Variants in PTPRD observed in about 807,000 individuals in gnomAD.
The protein encoded by PTPRD is protein tyrosine phosphatase receptor type D.
Under a neutral mutation model 214.5 loss-of-function variants are expected in PTPRD, and 34 were observed. That is an observed-to-expected ratio of 0.16 (90% CI 0.12 to 0.21). PTPRD has a LOEUF of 0.21. Among genes scored for constraint, PTPRD ranks in the 10% least tolerant of loss-of-function variants. PTPRD has a pLI of 1.00. For missense variants in PTPRD, 2,545 were observed against 2,398.7 expected (o/e 1.06, Z -1.27); for synonymous variants, 1,128 against 845.7 (o/e 1.33, Z -5.79).
chr9:10,030,569 T>C (rs1175052444), intron 4 of PTPRD, among the ~76,000 whole-genome samples: 1 of 152,002 alleles, frequency 6.6e-6, no homozygotes, highest in East Asian at 1.9e-4. Context: ...ACTAGACTAA[T>C]GTTAACTCCT....
chr9:10,208,311 G>C (rs935847162), intron 3 of PTPRD, among the ~76,000 whole-genome samples: 8 of 152,164 alleles, frequency 5.3e-5, no homozygotes, highest in Non-Finnish European at 1.2e-4. Flanking sequence ...TCAGGAGATC[G>C]ACGCCATCCT....
At chr9:10,561,249 C>G (rs2208710) in intron 2 of PTPRD, among the ~76,000 whole-genome samples, 15,653 of 152,028 alleles carry the variant, frequency 0.1, 1,125 homozygotes, top group East Asian at 0.4. Flanking sequence ...GGAATAGTAG[C>G]ACTTATCTGT....
intron 4 of PTPRD, among the ~76,000 whole-genome samples, chr9:9,964,563 A>G (rs2094562013): frequency 6.6e-6 from 1 of 152,202 alleles, no homozygotes; most frequent in African/African-American, 2.4e-5. Context: ...AATCCTCTTG[A>G]CGTGGGTTAG....
At chr9:9,601,327 A>G (rs1209308796) in intron 7 of PTPRD, among the ~76,000 whole-genome samples, 2 of 152,100 alleles carry the variant, frequency 1.3e-5, no homozygotes, top group Non-Finnish European at 2.9e-5. Context: ...TGACACTGAT[A>G]GTTGCTAATT....
At chr9:10,504,045 GGCAGA>G (rs2044915747) in intron 2 of PTPRD, among the ~76,000 whole-genome samples, 1 of 141,560 alleles carries the variant, frequency 7.1e-6, no homozygotes, top group Non-Finnish European at 1.5e-5. Context: ...GAACCCGGGA[GGCAGA>G]GCTTGCAGTG....
intron 5 of PTPRD, among the ~76,000 whole-genome samples, chr9:9,893,882 A>G (rs746617398): frequency 5.9e-5 from 9 of 151,942 alleles, no homozygotes; most frequent in Non-Finnish European, 1.0e-4. Context: ...ATGCAGTGAC[A>G]TGATCATAGC....
At chr9:10,401,189 G>C (rs1413444584) in intron 2 of PTPRD, among the ~76,000 whole-genome samples, 1 of 151,518 alleles carries the variant, frequency 6.6e-6, no homozygotes, top group Non-Finnish European at 1.5e-5. Context: ...TTTTCCGCTT[G>C]TTCAATTTTG....
chr9:9,986,791 G>C (rs1320390649), intron 4 of PTPRD, among the ~76,000 whole-genome samples: 1 of 152,094 alleles, frequency 6.6e-6, no homozygotes, highest in Non-Finnish European at 1.5e-5. Context: ...AATGGATATA[G>C]AGTTTCAATA....
At chr9:9,569,520 G>T (rs1006721416) in intron 8 of PTPRD, among the ~76,000 whole-genome samples, 19 of 151,538 alleles carry the variant, frequency 1.3e-4, no homozygotes, top group Non-Finnish European at 1.5e-5. Flanking sequence ...GCCATTGAAA[G>T]GCTTTAGTAA....
intron 4 of PTPRD, among the ~76,000 whole-genome samples, chr9:10,024,806 G>T (rs1198340201): frequency 9.0e-6 from 1 of 111,642 alleles, no homozygotes; most frequent in Non-Finnish European, 1.7e-5. Context: ...ACAGGCCCCA[G>T]TGTGTGATGT....
chr9:10,129,752 T>C (rs1591897221), intron 3 of PTPRD, among the ~76,000 whole-genome samples: 1 of 152,068 alleles, frequency 6.6e-6, no homozygotes, highest in African/African-American at 2.4e-5. Flanking sequence ...GTCATTTGTG[T>C]GTCTTTCCAC....
At chr9:8,438,615 G>C (rs2095437660) in intron 34 of PTPRD, 1 of 152,184 alleles carries the variant, frequency 6.6e-6, no homozygotes, top group Non-Finnish European at 1.5e-5. Flanking sequence ...GGTGACTTTA[G>C]GCTTATCTGG....
chr9:10,402,245 G>A (rs1265529009), intron 2 of PTPRD, among the ~76,000 whole-genome samples: 1 of 151,496 alleles, frequency 6.6e-6, no homozygotes, highest in Non-Finnish European at 1.5e-5. Flanking sequence ...TAGCTACATG[G>A]GGATTTATGA....
intron 2 of PTPRD, among the ~76,000 whole-genome samples, chr9:10,476,780 C>T (rs892913614): frequency 6.6e-6 from 1 of 152,100 alleles, no homozygotes; most frequent in African/African-American, 2.4e-5. Flanking sequence ...GGTACTGGTA[C>T]AAAAACAGAT....
At chr9:10,316,174 T>TACATATATATAC (rs1368931298) in intron 3 of PTPRD, among the ~76,000 whole-genome samples, 1 of 147,210 alleles carries the variant, frequency 6.8e-6, no homozygotes, top group South Asian at 2.1e-4. Flanking sequence ...TATGTATATA[T>TACATATATATAC]ACATAGATAT....
At chr9:8,573,517 C>T (rs1486263402) in intron 14 of PTPRD, among the ~76,000 whole-genome samples, 2 of 151,854 alleles carry the variant, frequency 1.3e-5, no homozygotes, top group Non-Finnish European at 2.9e-5. Flanking sequence ...TGGCAATCAG[C>T]CAGATAAATC....
chr9:9,713,498 TAACAAC>T (rs2097770148), intron 7 of PTPRD, among the ~76,000 whole-genome samples: 1 of 152,174 alleles, frequency 6.6e-6, no homozygotes, highest in Non-Finnish European at 1.5e-5. Context: ...AAAAATATTA[TAACAAC>T]AGATTATGCC....
chr9:9,275,199 T>TATATATATA (rs1491465404), intron 9 of PTPRD, among the ~76,000 whole-genome samples: 14 of 10,400 alleles, frequency 1.3e-3, no homozygotes, highest in African/African-American at 3.2e-3. Context: ...TATATATATA[T>TATATATATA]TATATATATA....
chr9:8,546,855 A>G (rs1176004273), intron 14 of PTPRD, among the ~76,000 whole-genome samples: 2 of 152,190 alleles, frequency 1.3e-5, no homozygotes, highest in Middle Eastern at 3.2e-3. Flanking sequence ...GACATGATGC[A>G]TCTGTGTCAC....
Sources: gnomAD v4.1 joint callset for allele counts (sites outside exome capture counted in the v4.1 genomes callset) on GRCh38, gnomAD v4.1.1 for gene constraint, MANE v1.5 for transcripts, NCBI Gene and HGNC (gene_info 2026-07-23, HGNC 2026-07-21) for gene names.